Variants in GOLM2 observed in about 807,000 individuals in gnomAD.
GOLM2 encodes the protein protein GOLM2.
In GOLM2, 26 loss-of-function variants were observed where a neutral mutation model predicts 55.9. The observed-to-expected ratio is 0.47, with a 90% CI of 0.34 to 0.65. The LOEUF is 0.65. GOLM2 is among the 30% of genes least tolerant of loss of function. The pLI is 0.01. For synonymous variants in GOLM2, 165 were observed against 194.6 expected, an observed-to-expected ratio of 0.85 and a Z score of 1.27; for missense variants, 486 against 531.8, an observed-to-expected ratio of 0.91 and a Z score of 0.85.
chr15:44,382,201 T>G (rs777295700), intron 8 of GOLM2: 1 of 152,182 alleles, frequency 6.6e-6, no homozygotes, highest in African/African-American at 2.4e-5. Context: ...TCCTCAAAAT[T>G]GGGTTGGGGG....
At chr15:44,353,725 A>T (rs1216171958) in intron 6 of GOLM2, among the ~76,000 whole-genome samples, 1 of 152,192 alleles carries the variant, frequency 6.6e-6, no homozygotes, top group Non-Finnish European at 1.5e-5. Flanking sequence ...GGGAACTAAA[A>T]ATTAAAATAG....
intron 6 of GOLM2, among the ~76,000 whole-genome samples, chr15:44,346,793 T>C (rs148845274): frequency 7.9e-4 from 120 of 152,242 alleles, no homozygotes; most frequent in African/African-American, 2.5e-3. Flanking sequence ...AATTTTTGTA[T>C]AATACTAATA....
intron 6 of GOLM2, among the ~76,000 whole-genome samples, chr15:44,349,579 T>C (rs565839351): frequency 5.9e-5 from 9 of 152,262 alleles, no homozygotes; most frequent in African/African-American, 2.2e-4. Context: ...ATTGGACAGA[T>C]CATCCAGACA....
intron 6 of GOLM2, among the ~76,000 whole-genome samples, chr15:44,363,832 G>A (rs2079262172): frequency 6.6e-6 from 1 of 151,864 alleles, no homozygotes; most frequent in African/African-American, 2.4e-5. Flanking sequence ...AGAAAATGTG[G>A]CACATATACA....
At chr15:44,363,194 G>C (rs982820069) in intron 6 of GOLM2, among the ~76,000 whole-genome samples, 1 of 152,120 alleles carries the variant, frequency 6.6e-6, no homozygotes, top group African/African-American at 2.4e-5. Context: ...TTGACAAATG[G>C]GATCTAGTTA....
At chr15:44,297,782 T>A (rs1356144340) in intron 1 of GOLM2, among the ~76,000 whole-genome samples, 1 of 151,350 alleles carries the variant, frequency 6.6e-6, no homozygotes. Flanking sequence ...CAGGATGGTC[T>A]CCATCTTGAT....
At chr15:44,397,497 A>AC (rs1293979169) in intron 8 of GOLM2, among the ~76,000 whole-genome samples, 10 of 147,782 alleles carry the variant, frequency 6.8e-5, no homozygotes, top group African/African-American at 2.3e-4. Context: ...AAAAAAAAAA[A>AC]AAAAACAAAA....
At chr15:44,363,332 C>G (rs1174868825) in intron 6 of GOLM2, among the ~76,000 whole-genome samples, 1 of 151,996 alleles carries the variant, frequency 6.6e-6, no homozygotes, top group Non-Finnish European at 1.5e-5. Context: ...ACAATGAACT[C>G]AAACAAATTT....
At position 44,377,305 on chromosome 15, in the gene GOLM2, G is replaced by A. The variant is rs142409453; in HGVS notation, c.803-2385G>A. 6.0e-3 allele frequency among the ~76,000 whole-genome samples: 921 copies of A among 152,294 alleles called. 8 individuals are homozygous for A. Among genetic ancestry groups the A allele is most frequent in the Non-Finnish European group, 9.9e-3 (672 of 68,024 alleles). ...GAGGATCACTTGAGCCCAGGAAGTTGAAGTTGCAGTGAGTGATGATTTTGC... is the reference window on the plus strand; with the variant it reads ...GAGGATCACTTGAGCCCAGGAAGTTAAAGTTGCAGTGAGTGATGATTTTGC... On this transcript the variant is annotated intron_variant, in intron 6 of 9. Transcript: ENST00000299957.
chr15:44,369,077 A>G (rs1171846177), intron 6 of GOLM2, among the ~76,000 whole-genome samples: 1 of 58,612 alleles, frequency 1.7e-5, no homozygotes, highest in Non-Finnish European at 3.4e-5. Flanking sequence ...TTATATATAT[A>G]TATATATATA....
At chr15:44,375,465 A>T (rs1262631813) in intron 6 of GOLM2, among the ~76,000 whole-genome samples, 1 of 152,034 alleles carries the variant, frequency 6.6e-6, no homozygotes, top group East Asian at 1.9e-4. Context: ...AATTTGTTTG[A>T]CTTAGTACTT....
chr15:44,326,985 G>C (rs1345010572), intron 2 of GOLM2, among the ~76,000 whole-genome samples: 2 of 146,002 alleles, frequency 1.4e-5, no homozygotes, highest in African/African-American at 5.1e-5. Flanking sequence ...GTCTCGCTCT[G>C]TCACTCAGGC....
intron 1 of GOLM2, among the ~76,000 whole-genome samples, chr15:44,296,606 CA>C (rs1293923890): frequency 6.6e-6 from 1 of 152,206 alleles, no homozygotes; most frequent in African/African-American, 2.4e-5. Flanking sequence ...ATTCTTAAAA[CA>C]GTGCCTACTA....
chr15:44,363,960 G>A (rs1468774910), intron 6 of GOLM2, among the ~76,000 whole-genome samples: 6 of 151,392 alleles, frequency 4.0e-5, no homozygotes, highest in African/African-American at 7.3e-5. Context: ...ACCAAACACC[G>A]CATATTCTCA....
chr15:44,363,201 G>A lies in GOLM2; in HGVS notation c.803-16489G>A, dbSNP rs868693726. On this transcript the variant is annotated intron_variant, in intron 6 of 9. Transcript: ENST00000299957. The stretch of plus-strand genomic sequence containing the variant: ...AGCCAAAATTGACAAATGGGATCTA[G>A]TTAAACTAAAGAGCTTCTGCACAGC... Among the ~76,000 whole-genome samples, 671 of 152,114 alleles carry A rather than the reference G, an allele frequency of 4.4e-3. 4 individuals carry two copies. Among genetic ancestry groups the A allele is most frequent in the African/African-American group, 0.015 (635 of 41,494 alleles).
intron 8 of GOLM2, among the ~76,000 whole-genome samples, chr15:44,384,213 A>G (rs2079425255): frequency 6.6e-6 from 1 of 152,058 alleles, no homozygotes; most frequent in African/African-American, 2.4e-5. Context: ...TATTTTCATC[A>G]CCCTGAAACA....
intron 7 of GOLM2, 35 bp downstream of exon 7, chr15:44,379,823 C>T (rs988072539): frequency 4.1e-6 from 5 of 1,211,144 alleles, no homozygotes; most frequent in Non-Finnish European, 6.1e-6. Flanking sequence ...CCATTTGAAA[C>T]CAACTTACTA....
intron 6 of GOLM2, among the ~76,000 whole-genome samples, chr15:44,368,990 A>C (rs1311332659): frequency 1.4e-5 from 2 of 141,534 alleles, no homozygotes; most frequent in Non-Finnish European, 3.0e-5. Flanking sequence ...CTGGCAGACA[A>C]ATTACTGGAG....
intron 1 of GOLM2, among the ~76,000 whole-genome samples, chr15:44,310,685 A>G (rs2078869563): frequency 6.6e-6 from 1 of 151,728 alleles, no homozygotes; most frequent in Admixed American, 6.6e-5. Flanking sequence ...AGCCTGGATG[A>G]CAGTACAAGA....
Sources: allele counts gnomAD v4.1 joint callset (sites outside exome capture counted in the v4.1 genomes callset), GRCh38; gene constraint gnomAD v4.1.1; transcripts MANE v1.5; gene names NCBI Gene and HGNC (gene_info 2026-07-23, HGNC 2026-07-21).